Variants in CCDC102B observed in about 807,000 individuals in gnomAD.
CCDC102B encodes the protein coiled-coil domain containing 102B.
CCDC102B carries 75 observed loss-of-function variants against 57.4 expected under a neutral mutation model. The ratio of observed to expected loss-of-function variants is 1.31; its 90% confidence interval spans 1.08 to 1.58. The LOEUF (loss-of-function observed/expected upper bound fraction) is 1.58. Ranked by LOEUF, CCDC102B falls within the 40% of genes most tolerant of loss-of-function variation. The pLI is 0.00. For missense variants in CCDC102B, 636 were observed against 582.6 expected, an observed-to-expected ratio of 1.09 and a Z score of -0.94; for synonymous variants, 206 against 201.9, an observed-to-expected ratio of 1.02 and a Z score of -0.17.
At chr18:68,765,329 G>A (rs2034409596) in intron 2 of CCDC102B, among the ~76,000 whole-genome samples, 1 of 60,016 alleles carries the variant, frequency 1.7e-5, no homozygotes, top group Non-Finnish European at 3.5e-5. Flanking sequence ...AGGAAGGAAA[G>A]AAAGAAAGAA....
At position 68,819,032 on chromosome 18, in the gene CCDC102B, T is replaced by C. The variant is rs149580805; in HGVS notation, c.-15-17717T>C. Among the ~76,000 whole-genome samples the C allele has an allele frequency of 3.0e-4, 46 of 152,244 alleles. No individual in the cohort carries two copies. The East Asian group carries it at 8.5e-3, about 28-fold the overall frequency. On this transcript the variant is annotated intron_variant, in intron 1 of 7. Coordinates refer to ENST00000360242, the MANE Select transcript of CCDC102B (RefSeq NM_024781.3). ...CCTCAGTGGATATATGCACGCTTAA[T>C]GCATTCTTCACGCTATTATTTGCCT...
intron 6 of CCDC102B, among the ~76,000 whole-genome samples, chr18:68,958,058 C>T (rs959703968): frequency 3.3e-5 from 5 of 152,088 alleles, no homozygotes; most frequent in East Asian, 1.9e-4. Flanking sequence ...AGGCATGTCT[C>T]ACATGCCAGC....
intron 2 of CCDC102B, among the ~76,000 whole-genome samples, chr18:68,792,737 G>A (rs2035503338): frequency 6.6e-6 from 1 of 152,148 alleles, no homozygotes; most frequent in South Asian, 2.1e-4. Flanking sequence ...AGGCCTGTCT[G>A]ACATCAAGAT....
intron 6 of CCDC102B, among the ~76,000 whole-genome samples, chr18:68,995,746 C>A (rs528441931): frequency 1.7e-4 from 26 of 152,216 alleles, no homozygotes; most frequent in African/African-American, 6.3e-4. Flanking sequence ...GGGGTAAGAG[C>A]CCCCACACAG....
intron 6 of CCDC102B, among the ~76,000 whole-genome samples, chr18:68,922,715 T>C (rs190330355): frequency 6.6e-5 from 10 of 152,254 alleles, no homozygotes; most frequent in Admixed American, 4.6e-4. Context: ...GTTGCTACTC[T>C]GTTTTTATAA....
chr18:68,756,378 G>A lies in CCDC102B; in HGVS notation c.-67+39784G>A, dbSNP rs532954342. On this transcript the variant is annotated intron_variant, in intron 2 of 3. Transcript: ENST00000578970. Reference sequence around the variant, plus strand: ...AAGAAAACACAGCAAATTGAAGTAAGAAAGGCAATATAACAGATAAGGAAG... The same window carrying A: ...AAGAAAACACAGCAAATTGAAGTAAAAAAGGCAATATAACAGATAAGGAAG... Among the ~76,000 whole-genome samples, 8 of 152,182 alleles carry A rather than the reference G, an allele frequency of 5.3e-5. No individual in the cohort carries two copies. In the East Asian group the frequency reaches 1.5e-3, roughly 29 times the overall value.
At chr18:68,976,062 T>G (rs2050428691) in intron 6 of CCDC102B, among the ~76,000 whole-genome samples, 1 of 152,034 alleles carries the variant, frequency 6.6e-6, no homozygotes, top group Admixed American at 6.6e-5. Context: ...CTTTTCTCAG[T>G]TAAATAATAT....
intron 7 of CCDC102B, among the ~76,000 whole-genome samples, chr18:69,025,225 ATTTAT>A (rs2051952763): frequency 6.6e-6 from 1 of 152,204 alleles, no homozygotes. Context: ...ATGTACACTA[ATTTAT>A]TTTCTTTAAT....
intron 6 of CCDC102B, among the ~76,000 whole-genome samples, chr18:68,984,027 T>A (rs767558109): frequency 6.6e-6 from 1 of 152,060 alleles, no homozygotes; most frequent in African/African-American, 2.4e-5. Flanking sequence ...TTCTTTACTC[T>A]GTTTATCTGT....
intron 6 of CCDC102B, among the ~76,000 whole-genome samples, chr18:68,931,917 C>G (rs2041686609): frequency 1.3e-5 from 2 of 151,916 alleles, no homozygotes; most frequent in Non-Finnish European, 2.9e-5. Flanking sequence ...TATATAGTGT[C>G]TTTTAATTGC....
At chr18:68,937,025 T>C (rs532910792) in intron 6 of CCDC102B, among the ~76,000 whole-genome samples, 2 of 151,982 alleles carry the variant, frequency 1.3e-5, no homozygotes. Context: ...GATCACAACA[T>C]TTTGCCAACC....
At chr18:68,753,051 A>G (rs570584246) in intron 2 of CCDC102B, 1 of 152,140 alleles carries the variant, frequency 6.6e-6, no homozygotes, top group African/African-American at 2.4e-5. Context: ...GTTCTGTAAT[A>G]TGGGTAACTT....
At chr18:68,909,778 CA>C (rs2040775311) in intron 6 of CCDC102B, among the ~76,000 whole-genome samples, 1 of 152,156 alleles carries the variant, frequency 6.6e-6, no homozygotes, top group African/African-American at 2.4e-5. Flanking sequence ...ACTGAAAATG[CA>C]GCAGGATCAG....
intron 4 of CCDC102B, among the ~76,000 whole-genome samples, chr18:68,854,426 T>C (rs113828526): frequency 5.0e-4 from 76 of 152,282 alleles, no homozygotes; most frequent in African/African-American, 1.8e-3. Context: ...ACAATACATA[T>C]AAAAATCATT....
In CCDC102B at chr18:68,724,904, C is replaced by T. The variant is rs375155301; in HGVS notation, c.-67+8310C>T. Among the ~76,000 whole-genome samples, 13 of 152,296 alleles carry T rather than the reference C, an allele frequency of 8.5e-5. No homozygotes were observed. The East Asian group carries it at 2.3e-3, about 27-fold the overall frequency. ...ATTGGTACCAGTTTACTGTATTAGA[C>T]TGTTCTCTTGCTGCGATGAGGAAAT... On this transcript the variant is annotated intron_variant, in intron 2 of 3. Transcript: ENST00000578970.
intron 6 of CCDC102B, among the ~76,000 whole-genome samples, chr18:68,898,649 G>A (rs757950530): frequency 1.4e-4 from 22 of 151,916 alleles, no homozygotes; most frequent in African/African-American, 3.9e-4. Context: ...ACATTTATTC[G>A]TATTATTCTC....
At chr18:68,899,321 T>G (rs2145024895) in intron 6 of CCDC102B, among the ~76,000 whole-genome samples, 1 of 152,140 alleles carries the variant, frequency 6.6e-6, no homozygotes, top group South Asian at 2.1e-4. Context: ...GTTTAGGGAA[T>G]AATGTAGATT....
chr18:68,808,468 C>CGT (rs2036113998), intron 1 of CCDC102B, among the ~76,000 whole-genome samples: 22 of 91,782 alleles, frequency 2.4e-4, no homozygotes, highest in South Asian at 4.1e-4. Flanking sequence ...GCTTTTACTA[C>CGT]TTTTTTTTTT....
rs1212525648 is a variant in CCDC102B at position 68,733,469 on chromosome 18, T to G, written c.-67+16875T>G. ...GAAAGGTAACCTTAGAGTCACAAGTTAGACAACTTTATATATATATATATA... is the reference window on the plus strand; with the variant it reads ...GAAAGGTAACCTTAGAGTCACAAGTGAGACAACTTTATATATATATATATA... On this transcript the variant is annotated intron_variant, in intron 2 of 3. Coordinates refer to the CCDC102B transcript ENST00000578970. 3.4e-5 allele frequency among the ~76,000 whole-genome samples: 4 copies of G among 118,948 alleles called. No homozygotes were observed. In the Admixed American group the frequency reaches 4.0e-4, roughly 12 times the overall value. The allele number at this position is 118,948 out of a possible 152,430, so 78.0% of individuals were successfully genotyped here.
Sources: allele counts gnomAD v4.1 joint callset (sites outside exome capture counted in the v4.1 genomes callset), GRCh38; gene constraint gnomAD v4.1.1; transcripts MANE v1.5; gene names NCBI Gene and HGNC (gene_info 2026-07-23, HGNC 2026-07-21).